Variants in FAM161B observed in about 807,000 individuals in gnomAD.
The protein encoded by FAM161B is FAM161 centrosomal protein B.
Under a neutral mutation model 61.5 loss-of-function variants are expected in FAM161B, and 46 were observed. That is an observed-to-expected ratio of 0.75 (90% CI 0.59 to 0.96). The LOEUF is 0.96. FAM161B is among the 40% of genes least tolerant of loss of function. The probability of loss-of-function intolerance (pLI) is 0.00; values close to 1 mark genes in which losing one functional copy is unlikely to be tolerated. For synonymous variants in FAM161B, 284 were observed against 302.7 expected (o/e 0.94, Z 0.64); for missense variants, 774 against 800.7 (o/e 0.97, Z 0.40).
At chr14:73,934,751 AAAAG>A (rs1387479318) in intron 8 of FAM161B, among the ~76,000 whole-genome samples, 2 of 152,130 alleles carry the variant, frequency 1.3e-5, no homozygotes, top group Non-Finnish European at 2.9e-5. Flanking sequence ...CCAGTCTGAA[AAAAG>A]AAAGTCTTAA....
At position 73,933,934 on chromosome 14, in the gene FAM161B, G is replaced by C; in HGVS notation, c.*322C>G. On this transcript the variant is annotated 3_prime_UTR_variant, in exon 9 of 9. Coordinates refer to ENST00000286544, the MANE Select transcript of FAM161B (RefSeq NM_152445.3). ...CCTCTTGGGTTCAAGTGATTCTCCT[G>C]CCTCAGCTTCCCAAGTAGCTAGGAT... is the stretch of plus-strand genomic sequence containing the variant. 1 of 209,854 alleles carries C rather than the reference G, an allele frequency of 4.8e-6. No individual in the cohort carries two copies. The highest frequency in any genetic ancestry group is 8.0e-5 in the South Asian group (1 of 12,498). The allele number at this position is 209,854 out of a possible 1,614,324, so 13.0% of individuals were successfully genotyped here. A position where few individuals can be genotyped will look rare whatever the true frequency, so the allele number is the denominator to read the frequency against.
chr14:73,934,526 C>T (rs2055954994), intron 8 of FAM161B, 132 bp from the exon 9 acceptor site: 8 of 762,036 alleles, frequency 1.0e-5, no homozygotes, highest in Middle Eastern at 3.9e-4. Context: ...TGAAGCAACC[C>T]TCCCACCTCA....
intron 3 of FAM161B, 106 bp downstream of exon 3, chr14:73,944,229 A>G (rs2056043817): frequency 6.7e-7 from 1 of 1,502,568 alleles, no homozygotes; most frequent in African/African-American, 1.4e-5. Flanking sequence ...GGTCCACCCA[A>G]GCAGCAAATC....
chr14:73,942,270 T>C (rs1406788994), intron 4 of FAM161B, 99 bp downstream of exon 4: 9 of 1,242,176 alleles, frequency 7.2e-6, no homozygotes, highest in Admixed American at 2.5e-5. Context: ...AAAAAAAAGA[T>C]AGGAAAACCT....
chr14:73,934,461 C>T (rs2055954237), intron 8 of FAM161B, 67 bp from the exon 9 acceptor site: 1 of 1,500,506 alleles, frequency 6.7e-7, no homozygotes, highest in Non-Finnish European at 8.9e-7. Context: ...TCACTCTCAC[C>T]CAGGCTGGAG....
chr14:73,934,196 G>T lies in FAM161B; in HGVS notation c.*60C>A. 6.3e-7 allele frequency: 1 copy of T among 1,576,780 alleles called. No individual in the cohort carries two copies. Among genetic ancestry groups the T allele is most frequent in the South Asian group, 1.2e-5 (1 of 85,154 alleles). On this transcript the variant is annotated 3_prime_UTR_variant, in exon 9 of 9. Coordinates refer to ENST00000286544, the MANE Select transcript of FAM161B (RefSeq NM_152445.3). Reference sequence around the variant, plus strand: ...TCAAAACCCAAGTTTTCCCTGCCTTGACTCAAACCCAAGTTAGCTGCTTAA... The same window carrying T: ...TCAAAACCCAAGTTTTCCCTGCCTTTACTCAAACCCAAGTTAGCTGCTTAA...
At chr14:73,943,067 C>T (rs148117576) in intron 3 of FAM161B, among the ~76,000 whole-genome samples, 122 of 152,172 alleles carry the variant, frequency 8.0e-4, no homozygotes, top group African/African-American at 2.9e-3. Context: ...AGAGATGAAG[C>T]AGAGGAAGTG....
At chr14:73,942,819 G>A (rs2056031588) in intron 3 of FAM161B, 104 bp from the exon 4 acceptor site, 1 of 1,055,806 alleles carries the variant, frequency 9.5e-7, no homozygotes, top group Non-Finnish European at 1.3e-6. Flanking sequence ...GTTACTGGAG[G>A]CAAGTAGGAA....
intron 2 of FAM161B, among the ~76,000 whole-genome samples, chr14:73,945,491 C>T (rs1236363850): frequency 6.6e-6 from 1 of 152,006 alleles, no homozygotes; most frequent in Non-Finnish European, 1.5e-5. Context: ...CCAAGCTGGG[C>T]GTGATCTTGG....
chr14:73,944,367 A>G lies in FAM161B; in HGVS notation c.893T>C (p.Ile298Thr). 3 of 1,598,946 alleles carry G rather than the reference A, an allele frequency of 1.9e-6. No homozygotes were observed. Among genetic ancestry groups the G allele is most frequent in the African/African-American group, 1.3e-5 (1 of 74,570 alleles). ...TTTATCCCCAAGGGCTGGCTCCAGA[A>G]TGGACTTGGGAATCCTTCTGGTGGC... The part of the protein sequence containing the change: ...QKATRRIPKS[I>T]LEPALGDKLQ... The change falls in exon 3 of 9, where the codon ATT becomes ACT. Residue 298 changes from isoleucine (I) to threonine (T), a missense_variant. Coordinates refer to ENST00000286544, the MANE Select transcript of FAM161B (RefSeq NM_152445.3).
At chr14:73,934,564 G>A (rs998916368) in intron 8 of FAM161B, among the ~76,000 whole-genome samples, 170 bp from the exon 9 acceptor site, 2 of 151,744 alleles carry the variant, frequency 1.3e-5, no homozygotes, top group African/African-American at 2.4e-5. Flanking sequence ...AGCTTCCCAA[G>A]TAGCTGGGAT....
chr14:73,923,549 C>T, the FAM161B span: 1 of 1,600,732 alleles, frequency 6.2e-7, no homozygotes, highest in Non-Finnish European at 8.5e-7. Context: ...CCCTTTGTTT[C>T]TGTGACAATT....
Position 73,938,032 on chromosome 14 carries a change from G to T in FAM161B, c.1481C>A (p.Ser494Tyr). The T allele has an allele frequency of 6.2e-7, 1 of 1,614,102 alleles. No individual in the cohort carries two copies. The highest frequency in any genetic ancestry group is 8.5e-7 in the Non-Finnish European group (1 of 1,179,986). ...TTTTGCACGCAAGGTCACAGATTTGGACATTGCTTGAGACTTCTTTTTGTG... is the reference window on the plus strand; with the variant it reads ...TTTTGCACGCAAGGTCACAGATTTGTACATTGCTTGAGACTTCTTTTTGTG... ...EIHKKKSQAM[S>Y]KSVTLRAKAM... is the part of the protein sequence containing the mutation. Residue 494 changes from serine (S) to tyrosine (Y), a missense_variant, in exon 6 of 9, where the codon TCC becomes TAC. By Grantham distance (144) the Ser-to-Tyr change is moderately radical. Coordinates refer to ENST00000286544, the MANE Select transcript of FAM161B (RefSeq NM_152445.3).
intron 2 of FAM161B, among the ~76,000 whole-genome samples, chr14:73,945,855 C>A (rs2056061771): frequency 6.6e-6 from 1 of 151,914 alleles, no homozygotes; most frequent in Admixed American, 6.6e-5. Flanking sequence ...GATTCTCATG[C>A]GTCAGCCTCC....
At chr14:73,949,808 G>C in intron 1 of FAM161B, 165 bp downstream of exon 1, 1 of 962,344 alleles carries the variant, frequency 1.0e-6, no homozygotes, top group Non-Finnish European at 1.5e-6. Flanking sequence ...TATAAAGTCC[G>C]AGAGGTTCAG....
chr14:73,938,544 G>A (rs554958440), intron 5 of FAM161B, among the ~76,000 whole-genome samples: 2 of 151,998 alleles, frequency 1.3e-5, no homozygotes, highest in South Asian at 2.1e-4. Flanking sequence ...AGGCCGAGGC[G>A]GGCGGATCAC....
At chr14:73,935,019 C>T (rs1215159004) in intron 8 of FAM161B, among the ~76,000 whole-genome samples, 1 of 150,988 alleles carries the variant, frequency 6.6e-6, no homozygotes, top group Non-Finnish European at 1.5e-5. Flanking sequence ...GCCAAGACTG[C>T]GCCACTGCAC....
At chr14:73,936,263 C>T (rs2055970542) in intron 7 of FAM161B, among the ~76,000 whole-genome samples, 175 bp from the exon 8 acceptor site, 1 of 152,156 alleles carries the variant, frequency 6.6e-6, no homozygotes, top group Non-Finnish European at 1.5e-5. Context: ...GTATATAAAT[C>T]ACCTGAGGTC....
Position 73,937,843 on chromosome 14 carries a change from G to A in FAM161B, c.1565+105C>T, listed in dbSNP as rs909408156. 4 of 1,567,138 alleles carry A rather than the reference G, an allele frequency of 2.6e-6. No individual in the cohort carries two copies. In the African/African-American group the frequency reaches 4.1e-5, roughly 16 times the overall value. ...AATCATGACCCTGCTGTGATTACAG[G>A]AGCCTACCTACCTCGATAACTCTAT... On this transcript the variant is annotated intron_variant, in intron 6 of 8. Transcript: ENST00000286544.
Sources: allele counts gnomAD v4.1 joint callset (sites outside exome capture counted in the v4.1 genomes callset), GRCh38; gene constraint gnomAD v4.1.1; transcripts MANE v1.5; gene names NCBI Gene and HGNC (gene_info 2026-07-23, HGNC 2026-07-21).